Variants in TGFA observed in about 807,000 individuals in gnomAD.
The protein encoded by TGFA is protransforming growth factor alpha.
A neutral mutation model predicts 21.7 loss-of-function variants in TGFA; 12 were observed. The observed-to-expected ratio is 0.55, with a 90% CI of 0.35 to 0.90. The LOEUF is 0.90. Ranked by LOEUF, TGFA falls within the 40% of genes least tolerant of loss-of-function variation. TGFA has a pLI of 0.01. For missense variants in TGFA, 178 were observed against 210.8 expected (o/e 0.84, Z 0.96); for synonymous variants, 79 against 88.1 (o/e 0.90, Z 0.58).
At chr2:70,521,614 T>TG (rs1672469006) in intron 1 of TGFA, among the ~76,000 whole-genome samples, 1 of 77,304 alleles carries the variant, frequency 1.3e-5, no homozygotes, top group African/African-American at 5.7e-5. Flanking sequence ...TTGTTGTTTG[T>TG]TTGTTTTTTT....
At chr2:70,457,465 C>T (rs782638008) in intron 3 of TGFA, among the ~76,000 whole-genome samples, 3 of 152,018 alleles carry the variant, frequency 2.0e-5, no homozygotes, top group Non-Finnish European at 2.9e-5. Flanking sequence ...TTTGTTACTT[C>T]GTTACTCCCT....
intron 2 of TGFA, among the ~76,000 whole-genome samples, chr2:70,510,817 TA>T (rs1490047975): frequency 2.0e-5 from 3 of 152,244 alleles, no homozygotes; most frequent in Middle Eastern, 3.4e-3. Flanking sequence ...GGTCAAGTTA[TA>T]AGAACACAGA....
chr2:70,527,359 T>A (rs1225273547), intron 1 of TGFA, among the ~76,000 whole-genome samples: 1 of 152,244 alleles, frequency 6.6e-6, no homozygotes, highest in Admixed American at 6.5e-5. Flanking sequence ...GTATATTGTA[T>A]GATTCTAACT....
At chr2:70,529,588 T>TCCCTC (rs1672750082) in intron 1 of TGFA, among the ~76,000 whole-genome samples, 1 of 146,542 alleles carries the variant, frequency 6.8e-6, no homozygotes, top group South Asian at 2.3e-4. Context: ...GAGGAGTGAA[T>TCCCTC]CCCCCCGCCC....
At chr2:70,535,571 T>G (rs902419031) in intron 1 of TGFA, among the ~76,000 whole-genome samples, 5 of 152,194 alleles carry the variant, frequency 3.3e-5, no homozygotes, top group Non-Finnish European at 7.3e-5. Context: ...AAAATCACAA[T>G]TACTGTTTGA....
chr2:70,460,607 G>A (rs1670378583), intron 3 of TGFA, among the ~76,000 whole-genome samples: 1 of 152,184 alleles, frequency 6.6e-6, no homozygotes, highest in Non-Finnish European at 1.5e-5. Context: ...CCAAGGGCAC[G>A]TGTATTGGGC....
At chr2:70,487,721 A>G (rs782720719) in intron 2 of TGFA, among the ~76,000 whole-genome samples, 10 of 152,194 alleles carry the variant, frequency 6.6e-5, no homozygotes, top group South Asian at 2.1e-4. Flanking sequence ...CTGTTTAACC[A>G]ATCTCCTCTT....
At chr2:70,525,502 C>T (rs185442360) in intron 1 of TGFA, among the ~76,000 whole-genome samples, 15 of 152,302 alleles carry the variant, frequency 9.8e-5, no homozygotes, top group African/African-American at 2.9e-4. Flanking sequence ...TACAGGTTTT[C>T]AAGAGTTAAG....
Position 70,448,952 on chromosome 2 carries a change from A to G in TGFA, c.*1907T>C, listed in dbSNP as rs551080543. 1.3e-5 allele frequency: 2 copies of G among 152,352 alleles called. No homozygotes were observed. Among genetic ancestry groups the G allele is most frequent in the East Asian group, 3.9e-4 (2 of 5,194 alleles). The allele number at this position is 152,352 out of a possible 1,614,324, so 9.4% of individuals were successfully genotyped here. On this transcript the variant is annotated 3_prime_UTR_variant, in exon 6 of 6. Transcript: ENST00000295400. ...GCTAACTACTGATTGATAGAGGTCTAAAAACCAGTGTCCGTTGATTGGTCT... is the reference window on the plus strand; with the variant it reads ...GCTAACTACTGATTGATAGAGGTCTGAAAACCAGTGTCCGTTGATTGGTCT...
At chr2:70,458,686 A>T (rs1553490987) in intron 3 of TGFA, among the ~76,000 whole-genome samples, 1 of 152,168 alleles carries the variant, frequency 6.6e-6, no homozygotes, top group Non-Finnish European at 1.5e-5. Context: ...CATTCTCCAG[A>T]AGGATGTAAT....
At chr2:70,541,832 G>C (rs1553505227) in intron 1 of TGFA, among the ~76,000 whole-genome samples, 1 of 152,028 alleles carries the variant, frequency 6.6e-6, no homozygotes, top group Non-Finnish European at 1.5e-5. Context: ...TCCAGTTCAG[G>C]GACCTATGAT....
chr2:70,530,407 G>A (rs782141502), intron 1 of TGFA, among the ~76,000 whole-genome samples: 1 of 152,214 alleles, frequency 6.6e-6, no homozygotes, highest in Non-Finnish European at 1.5e-5. Flanking sequence ...TAAGGCAGTG[G>A]TGTCCAATCT....
intron 2 of TGFA, among the ~76,000 whole-genome samples, chr2:70,493,027 A>G (rs1671480357): frequency 6.6e-6 from 1 of 152,228 alleles, no homozygotes; most frequent in Non-Finnish European, 1.5e-5. Context: ...AAATATGAAA[A>G]CTACATGTAT....
chr2:70,499,078 G>T (rs1671662320), intron 2 of TGFA, among the ~76,000 whole-genome samples: 1 of 152,052 alleles, frequency 6.6e-6, no homozygotes, highest in African/African-American at 2.4e-5. Context: ...TCTACTCAAT[G>T]GTCCTCAAAC....
intron 2 of TGFA, among the ~76,000 whole-genome samples, chr2:70,466,979 A>G (rs1382642239): frequency 6.6e-6 from 1 of 152,100 alleles, no homozygotes; most frequent in African/African-American, 2.4e-5. Flanking sequence ...TGGGAGCTGA[A>G]CAAAGAGAAC....
intron 3 of TGFA, among the ~76,000 whole-genome samples, chr2:70,464,640 C>T (rs1367176760): frequency 6.6e-6 from 1 of 152,114 alleles, no homozygotes; most frequent in Non-Finnish European, 1.5e-5. Flanking sequence ...GTAATAGTGC[C>T]AAGGTTCAAT....
In TGFA at chr2:70,553,773, G is replaced by C; in HGVS notation, c.-6C>G. The stretch of plus-strand genomic sequence containing the variant: ...TGTCCAGCCGAGGGGACCATTTTAC[G>C]GGCGGGCGGGCAGCAGGCTCTCCAG... On this transcript the variant is annotated 5_prime_UTR_variant, in exon 1 of 6. Transcript: ENST00000295400. The C allele has an allele frequency of 2.3e-6, 3 of 1,279,242 alleles. No homozygotes were observed. The highest frequency in any genetic ancestry group is 3.0e-6 in the Non-Finnish European group (3 of 1,005,892). The allele number at this position is 1,279,242 out of a possible 1,614,324, so 79.2% of individuals were successfully genotyped here. A position where few individuals can be genotyped will look rare whatever the true frequency, so the allele number is the denominator to read the frequency against.
intron 1 of TGFA, among the ~76,000 whole-genome samples, chr2:70,523,071 T>G (rs1350118966): frequency 6.6e-6 from 1 of 152,192 alleles, no homozygotes; most frequent in African/African-American, 2.4e-5. Flanking sequence ...CCATGAGGAA[T>G]GAAGGAACTG....
chr2:70,504,483 T>A (rs6711161), intron 2 of TGFA, among the ~76,000 whole-genome samples: 2 of 92,072 alleles, frequency 2.2e-5, no homozygotes, highest in East Asian at 3.0e-4. Flanking sequence ...CATACATACA[T>A]ACACACACAC....
Sources: allele counts gnomAD v4.1 joint callset (sites outside exome capture counted in the v4.1 genomes callset), GRCh38; gene constraint gnomAD v4.1.1; transcripts MANE v1.5; gene names NCBI Gene and HGNC (gene_info 2026-07-23, HGNC 2026-07-21).